The following C8orf34 variants were observed in gnomAD, a reference collection of about 807,000 sequenced individuals.
C8orf34 encodes uncharacterized protein C8orf34.
In C8orf34, 65 loss-of-function variants were observed where a neutral mutation model predicts 68.3. The observed-to-expected ratio is 0.95, with a 90% confidence interval of 0.78 to 1.17. The LOEUF (loss-of-function observed/expected upper bound fraction) is 1.17. Among genes scored for constraint, C8orf34 ranks in the 50% most tolerant of loss-of-function variants. The probability of loss-of-function intolerance (pLI) is 0.00; values close to 1 mark genes in which losing one functional copy is unlikely to be tolerated. For missense variants in C8orf34, 664 were observed against 655.4 expected (o/e 1.01, Z -0.14); for synonymous variants, 244 against 241.2 (o/e 1.01, Z -0.11).
chr8:68,701,516 T>A (rs1306371029), intron 8 of C8orf34, among the ~76,000 whole-genome samples: 1 of 151,974 alleles, frequency 6.6e-6, no homozygotes, highest in African/African-American at 2.4e-5. Context: ...TATTCACATT[T>A]TTTTTTCCCC....
chr8:68,745,892 G>A (rs1485682246), intron 10 of C8orf34, among the ~76,000 whole-genome samples: 10 of 152,020 alleles, frequency 6.6e-5, no homozygotes, highest in Admixed American at 2.6e-4. Context: ...GACCTAATAG[G>A]CATCTACAGA....
At chr8:68,603,410 T>G (rs1817757010) in intron 7 of C8orf34, among the ~76,000 whole-genome samples, 1 of 152,106 alleles carries the variant, frequency 6.6e-6, no homozygotes, top group Admixed American at 6.6e-5. Flanking sequence ...TATCTTCATT[T>G]ATAACTGTCC....
intron 8 of C8orf34, among the ~76,000 whole-genome samples, chr8:68,678,236 C>T (rs1467699653): frequency 6.6e-6 from 1 of 152,082 alleles, no homozygotes; most frequent in Non-Finnish European, 1.5e-5. Context: ...CCCTGAAACC[C>T]AAATCAGACA....
chr8:68,713,124 A>G (rs1413756602), intron 9 of C8orf34, among the ~76,000 whole-genome samples: 1 of 152,156 alleles, frequency 6.6e-6, no homozygotes, highest in Non-Finnish European at 1.5e-5. Context: ...TTTGAACTGA[A>G]CGATAATAGT....
intron 7 of C8orf34, among the ~76,000 whole-genome samples, chr8:68,562,122 G>T (rs190380021): frequency 4.9e-4 from 74 of 152,206 alleles, no homozygotes; most frequent in Non-Finnish European, 6.5e-4. Flanking sequence ...TATACAATTG[G>T]CAATACAGTA....
intron 1 of C8orf34, among the ~76,000 whole-genome samples, chr8:68,391,609 G>A (rs1203994293): frequency 6.6e-6 from 1 of 152,146 alleles, no homozygotes; most frequent in African/African-American, 2.4e-5. Flanking sequence ...ACTGCTATCA[G>A]AGTCCAGCAA....
chr8:68,338,668 T>C lies in C8orf34; in HGVS notation c.327+7329T>C, dbSNP rs80153187. ...TTGCAGCATGTTACCAATTTTTATT[T>C]CCTTTTATTGCTGAGTTGTATTCCG... On this transcript the variant is annotated intron_variant, in intron 1 of 13. Transcript: ENST00000518698. Among the ~76,000 whole-genome samples the C allele has an allele frequency of 7.9e-3, 1,196 of 152,274 alleles. 18 individuals carry two copies. The highest frequency in any genetic ancestry group is 0.026 in the African/African-American group (1,100 of 41,544).
At chr8:68,661,537 C>A (rs1238047982) in intron 8 of C8orf34, among the ~76,000 whole-genome samples, 1 of 152,204 alleles carries the variant, frequency 6.6e-6, no homozygotes, top group African/African-American at 2.4e-5. Context: ...AACGAAAGAT[C>A]TTAGCAAAGA....
chr8:68,442,770 G>A (rs1203467260), intron 2 of C8orf34, among the ~76,000 whole-genome samples: 1 of 152,184 alleles, frequency 6.6e-6, no homozygotes, highest in East Asian at 1.9e-4. Flanking sequence ...GCTCTTCAGA[G>A]TTGAGCAGGG....
At chr8:68,569,785 T>C (rs1429533207) in intron 7 of C8orf34, among the ~76,000 whole-genome samples, 4 of 152,200 alleles carry the variant, frequency 2.6e-5, no homozygotes, top group African/African-American at 7.2e-5. Flanking sequence ...AGTTTAAACA[T>C]ACTACGTTTA....
At chr8:68,715,300 C>T (rs1300526448) in intron 9 of C8orf34, among the ~76,000 whole-genome samples, 1 of 152,098 alleles carries the variant, frequency 6.6e-6, no homozygotes, top group Non-Finnish European at 1.5e-5. Context: ...AAAGCTTCTG[C>T]ACAGCCAAAG....
intron 10 of C8orf34, among the ~76,000 whole-genome samples, chr8:68,744,959 A>G (rs935499008): frequency 1.3e-5 from 2 of 152,154 alleles, no homozygotes; most frequent in Admixed American, 6.5e-5. Context: ...GAAATGAAGG[A>G]AAAAATGTTA....
intron 1 of C8orf34, among the ~76,000 whole-genome samples, chr8:68,405,943 G>A (rs1235265494): frequency 6.6e-6 from 1 of 152,140 alleles, no homozygotes; most frequent in African/African-American, 2.4e-5. Context: ...CATACAAAAA[G>A]AGTTTGCTAT....
At chr8:68,352,682 C>A (rs552072333) in intron 1 of C8orf34, among the ~76,000 whole-genome samples, 17 of 152,054 alleles carry the variant, frequency 1.1e-4, no homozygotes, top group Middle Eastern at 3.4e-3. Context: ...ATTGAAAGAG[C>A]CTTTTGGGTT....
chr8:68,641,036 AGCT>A (rs1818992349), intron 8 of C8orf34, among the ~76,000 whole-genome samples: 4 of 152,242 alleles, frequency 2.6e-5, no homozygotes, highest in Non-Finnish European at 5.9e-5. Flanking sequence ...CTGCCAAGTC[AGCT>A]CCCAGTGCTG....
intron 1 of C8orf34, among the ~76,000 whole-genome samples, chr8:68,343,236 G>C (rs1806145822): frequency 6.6e-6 from 1 of 152,066 alleles, no homozygotes; most frequent in Admixed American, 6.5e-5. Flanking sequence ...TGCTATTAGA[G>C]AAATACAAAT....
intron 3 of C8orf34, among the ~76,000 whole-genome samples, chr8:68,457,401 G>C (rs1052099337): frequency 6.6e-6 from 1 of 152,016 alleles, no homozygotes; most frequent in Non-Finnish European, 1.5e-5. Context: ...GATATTTCCT[G>C]GCATATTTAA....
chr8:68,630,137 A>G (rs948846276), intron 7 of C8orf34, among the ~76,000 whole-genome samples: 1 of 152,120 alleles, frequency 6.6e-6, no homozygotes, highest in Admixed American at 6.6e-5. Context: ...ATCATAAAAT[A>G]GCACTGTCCA....
intron 7 of C8orf34, chr8:68,533,543 ACCTTT>A (rs1430328479): frequency 1.0e-6 from 1 of 986,472 alleles, no homozygotes; most frequent in Non-Finnish European, 1.2e-6. Flanking sequence ...CAAAATGTCT[ACCTTT>A]TATTTTGAGG....
Sources: gnomAD v4.1 joint callset for allele counts (sites outside exome capture counted in the v4.1 genomes callset) on GRCh38, gnomAD v4.1.1 for gene constraint, MANE v1.5 for transcripts, NCBI Gene and HGNC (gene_info 2026-07-23, HGNC 2026-07-21) for gene names.